ERC2: variants seen among roughly 807,000 people sequenced by gnomAD.
ERC2 encodes ELKS/RAB6-interacting/CAST family member 2.
In ERC2, 42 loss-of-function variants were observed where a neutral mutation model predicts 114.8. The observed-to-expected ratio is 0.37, with a 90% CI of 0.29 to 0.47. The LOEUF is 0.47. ERC2 is among the 20% of genes least tolerant of loss of function. The pLI, the probability that ERC2 is intolerant of heterozygous loss-of-function variation, is 0.99. For synonymous variants in ERC2, 454 were observed against 425.5 expected, an observed-to-expected ratio of 1.07 and a Z score of -0.82; for missense variants, 939 against 1,150.7, an observed-to-expected ratio of 0.82 and a Z score of 2.66.
At chr3:55,542,838 C>T (rs979136252) in intron 17 of ERC2, among the ~76,000 whole-genome samples, 24 of 152,314 alleles carry the variant, frequency 1.6e-4, no homozygotes, top group African/African-American at 5.5e-4. Flanking sequence ...TTCTCTAAGC[C>T]TTCTAATGGA....
intron 15 of ERC2, among the ~76,000 whole-genome samples, chr3:55,713,119 TCTCTCTCTGTCTCACACA>T (rs2063867371): frequency 8.9e-6 from 1 of 112,584 alleles, no homozygotes; most frequent in African/African-American, 4.2e-5. Flanking sequence ...TCTCTCTCTC[TCTCTCTCTGTCTCACACA>T]CACACACACA....
intron 15 of ERC2, among the ~76,000 whole-genome samples, chr3:55,719,563 C>G (rs567380542): frequency 3.9e-5 from 6 of 152,266 alleles, no homozygotes; most frequent in African/African-American, 1.4e-4. Context: ...GTTGGGTCTG[C>G]TCCATTCCAT....
chr3:56,013,873 A>G (rs1284918375), intron 8 of ERC2, among the ~76,000 whole-genome samples: 3 of 151,952 alleles, frequency 2.0e-5, no homozygotes, highest in East Asian at 3.9e-4. Context: ...ATTTTAAGAA[A>G]CCTCCTAGAT....
intron 6 of ERC2, among the ~76,000 whole-genome samples, chr3:56,088,589 G>A (rs2077625025): frequency 6.6e-6 from 1 of 152,036 alleles, no homozygotes; most frequent in Non-Finnish European, 1.5e-5. Flanking sequence ...ACAGACTGAA[G>A]AGGAAAGATC....
intron 2 of ERC2, among the ~76,000 whole-genome samples, chr3:56,342,997 G>C (rs540397916): frequency 5.9e-5 from 9 of 152,072 alleles, no homozygotes; most frequent in African/African-American, 2.2e-4. Context: ...TTCAAGCCAG[G>C]GCTAATCACA....
chr3:55,591,600 T>TGCGC (rs57038726), intron 17 of ERC2, among the ~76,000 whole-genome samples: 3 of 142,306 alleles, frequency 2.1e-5, no homozygotes, highest in African/African-American at 7.6e-5. Context: ...TGTGTGTGTG[T>TGCGC]GCGCGCGCGT....
intron 2 of ERC2, among the ~76,000 whole-genome samples, chr3:56,349,622 C>G (rs2058473097): frequency 1.3e-5 from 2 of 152,150 alleles, no homozygotes. Context: ...AACTACCTAT[C>G]AGGGGCCAGG....
intron 6 of ERC2, among the ~76,000 whole-genome samples, chr3:56,103,557 C>T (rs552280541): frequency 1.2e-4 from 19 of 152,176 alleles, no homozygotes; most frequent in South Asian, 4.2e-4. Flanking sequence ...ACAATCTTGA[C>T]GCCCAGGGAC....
chr3:56,425,560 C>CTTTTTTTTTTTTTTTTTTT (rs67210393), intron 2 of ERC2, among the ~76,000 whole-genome samples: 1 of 124,006 alleles, frequency 8.1e-6, no homozygotes, highest in Non-Finnish European at 1.6e-5. Flanking sequence ...GACCCTTTTT[C>CTTTTTTTTTTTTTTTTTTT]TTTTTTTTTT....
intron 5 of ERC2, among the ~76,000 whole-genome samples, chr3:56,141,752 A>C (rs924505980): frequency 6.6e-5 from 10 of 152,170 alleles, no homozygotes; most frequent in Non-Finnish European, 7.3e-5. Flanking sequence ...GCATTAATGA[A>C]ATTTTTAACC....
At chr3:56,174,787 G>A (rs1023699984) in intron 3 of ERC2, among the ~76,000 whole-genome samples, 5 of 152,056 alleles carry the variant, frequency 3.3e-5, no homozygotes, top group Non-Finnish European at 7.4e-5. Flanking sequence ...AGACCATCCT[G>A]GCCAACACGG....
At chr3:56,311,255 CTATATATATATATATATA>C (rs67320179) in intron 2 of ERC2, among the ~76,000 whole-genome samples, 1 of 79,064 alleles carries the variant, frequency 1.3e-5, no homozygotes, top group East Asian at 3.5e-4. Flanking sequence ...CTCTCTCTCT[CTATATATATATATATATA>C]TATATATATA....
chr3:56,311,245 C>CTATA (rs2056538106), intron 2 of ERC2, among the ~76,000 whole-genome samples: 1 of 26,100 alleles, frequency 3.8e-5, no homozygotes, highest in Non-Finnish European at 9.5e-5. Context: ...CTCTCTCTCT[C>CTATA]TCTCTCTCTC....
chr3:56,335,552 T>C (rs2057811558), intron 2 of ERC2, among the ~76,000 whole-genome samples: 1 of 152,182 alleles, frequency 6.6e-6, no homozygotes, highest in Non-Finnish European at 1.5e-5. Context: ...TTATTAATGA[T>C]CTATAACCCA....
intron 6 of ERC2, among the ~76,000 whole-genome samples, chr3:56,122,436 T>C (rs1321746127): frequency 1.3e-5 from 2 of 152,204 alleles, no homozygotes; most frequent in Admixed American, 1.3e-4. Context: ...TTATTCTCGG[T>C]TTAAAATTTT....
intron 15 of ERC2, among the ~76,000 whole-genome samples, chr3:55,732,018 G>T (rs1210470846): frequency 6.6e-6 from 1 of 152,020 alleles, no homozygotes; most frequent in Admixed American, 6.6e-5. Flanking sequence ...ACCTGATGGG[G>T]TATGTGTGGA....
intron 13 of ERC2, among the ~76,000 whole-genome samples, chr3:55,904,691 G>A (rs1467675626): frequency 6.6e-6 from 1 of 152,174 alleles, no homozygotes; most frequent in Non-Finnish European, 1.5e-5. Flanking sequence ...CTACTCTTCA[G>A]TGAAGAAAGA....
intron 3 of ERC2, among the ~76,000 whole-genome samples, chr3:56,237,557 G>C (rs2051033975): frequency 6.6e-6 from 1 of 152,116 alleles, no homozygotes; most frequent in Admixed American, 6.6e-5. Flanking sequence ...GTTCCTGCAA[G>C]GTCTATGTAG....
chr3:55,558,278 C>T (rs912224683), intron 17 of ERC2, among the ~76,000 whole-genome samples: 2 of 152,154 alleles, frequency 1.3e-5, no homozygotes, highest in Non-Finnish European at 2.9e-5. Flanking sequence ...TAGTATCCTG[C>T]CTGGCACGTA....
Sources: gnomAD v4.1 joint callset for allele counts (sites outside exome capture counted in the v4.1 genomes callset) on GRCh38, gnomAD v4.1.1 for gene constraint, MANE v1.5 for transcripts, NCBI Gene and HGNC (gene_info 2026-07-23, HGNC 2026-07-21) for gene names.